Variants in RXRA observed in about 807,000 individuals in gnomAD.
RXRA encodes retinoic acid receptor RXR-alpha.
Under a neutral mutation model 44.5 loss-of-function variants are expected in RXRA, and 5 were observed. The observed-to-expected ratio is 0.11, with a 90% CI of 0.06 to 0.24. RXRA has a LOEUF of 0.24. Among genes scored for constraint, RXRA ranks in the 10% least tolerant of loss-of-function variants. The pLI is 1.00. For synonymous variants in RXRA, 291 were observed against 271.4 expected (o/e 1.07, Z -0.71); for missense variants, 412 against 646.5 (o/e 0.64, Z 3.93).
rs554594487 is a variant in RXRA at position 134,365,543 on chromosome 9, G to T, written c.29-36089G>T. Among the ~76,000 whole-genome samples the T allele has an allele frequency of 1.3e-5, 2 of 152,320 alleles. No homozygotes were observed. Among genetic ancestry groups the T allele is most frequent in the African/African-American group, 4.8e-5 (2 of 41,580 alleles). On this transcript the variant is annotated intron_variant, in intron 1 of 9. Transcript: ENST00000481739. This position sits in a 1 kb window ranked among gnomAD's most constrained non-coding sequence, Gnocchi z 4.0. Reference sequence around the variant, plus strand: ...TGGCCATGGCTGTGTGGACCAGGCTGGGGCTGCACTGGGGCCTGGGTGGTA... The same window carrying T: ...TGGCCATGGCTGTGTGGACCAGGCTTGGGCTGCACTGGGGCCTGGGTGGTA...
Position 134,379,729 on chromosome 9 carries a change from G to C in RXRA, c.29-21903G>C, listed in dbSNP as rs868792941. 3.8e-5 allele frequency: 37 copies of C among 985,418 alleles called. No individual in the cohort carries two copies. The South Asian group carries it at 1.0e-3, about 28-fold the overall frequency. 61.0% of individuals were successfully genotyped at this position (985,418 alleles called of 1,614,324 possible). On this transcript the variant is annotated intron_variant, in intron 1 of 9. Coordinates refer to ENST00000481739, the MANE Select transcript of RXRA (RefSeq NM_002957.6). ...CCTGAGGCCCAGCCTGGGCGGGTTCGTGGGTCCAGCTCAGCCCCTCTGTGC... is the reference window on the plus strand; with the variant it reads ...CCTGAGGCCCAGCCTGGGCGGGTTCCTGGGTCCAGCTCAGCCCCTCTGTGC...
At chr9:134,370,247 C>G (rs1312693750) in intron 1 of RXRA, among the ~76,000 whole-genome samples, 5 of 152,192 alleles carry the variant, frequency 3.3e-5, no homozygotes, top group Admixed American at 3.3e-4. Flanking sequence ...AGCACACGCT[C>G]TGAGCTTGAG....
chr9:134,401,067 G>A (rs571085304), intron 1 of RXRA, among the ~76,000 whole-genome samples: 64 of 152,328 alleles, frequency 4.2e-4, no homozygotes, highest in African/African-American at 1.4e-3. Flanking sequence ...GAGTACTCAG[G>A]GCCTGGCTTC....
In RXRA at chr9:134,417,304, A is replaced by T. The variant is rs1310625281; in HGVS notation, c.757A>T (p.Asn253Tyr). 5 of 1,613,734 alleles carry T rather than the reference A, an allele frequency of 3.1e-6. No homozygotes were observed. The highest frequency in any genetic ancestry group is 4.2e-6 in the Non-Finnish European group (5 of 1,179,950). Residue 253 changes from asparagine (N) to tyrosine (Y), a missense_variant, in exon 5 of 10, where the codon AAC becomes TAC. Physicochemically the swap from Asn to Tyr is moderately radical, Grantham distance 143. Coordinates refer to ENST00000481739, the MANE Select transcript of RXRA (RefSeq NM_002957.6). This position sits in a 1 kb window ranked among gnomAD's most constrained non-coding sequence, Gnocchi z 6.1. ...EPKTETYVEANMGLNPSSPND... is the reference protein window; with the variant it reads ...EPKTETYVEAYMGLNPSSPND... ...CAAGACCGAGACCTACGTGGAGGCA[A>T]ACATGGGGCTGAACCCCAGCTCGGT...
intron 1 of RXRA, among the ~76,000 whole-genome samples, chr9:134,384,431 A>T (rs987035467): frequency 6.6e-6 from 1 of 152,182 alleles, no homozygotes; most frequent in Non-Finnish European, 1.5e-5. Context: ...GAGTCAGGGG[A>T]TATGGCAGCA....
At chr9:134,430,634 A>C (rs535438734) in intron 7 of RXRA, among the ~76,000 whole-genome samples, 1,299 of 92,944 alleles carry the variant, frequency 0.014, 12 homozygotes, top group Non-Finnish European at 0.028. Context: ...GTTAGTGTAC[A>C]GGAGGGTCCC....
Position 134,436,644 on chromosome 9 carries a change from G to A in RXRA, c.*30G>A, listed in dbSNP as rs750745421. The A allele has an allele frequency of 5.5e-5, 88 of 1,612,050 alleles. No homozygotes were observed. The highest frequency in any genetic ancestry group is 1.6e-4 in the Middle Eastern group (1 of 6,078). On this transcript the variant is annotated 3_prime_UTR_variant, in exon 10 of 10. Transcript: ENST00000481739. Reference sequence around the variant, plus strand: ...GCGGGCCCATCCTTTGTGCCCACCCGTTCTGGCCACCCTGCCTGGACGCCA... The same window carrying A: ...GCGGGCCCATCCTTTGTGCCCACCCATTCTGGCCACCCTGCCTGGACGCCA...
At chr9:134,378,979 G>A (rs1237133705) in intron 1 of RXRA, among the ~76,000 whole-genome samples, 1 of 152,208 alleles carries the variant, frequency 6.6e-6, no homozygotes, top group Non-Finnish European at 1.5e-5. Context: ...GGGAACACAC[G>A]TCTCTTGCCT....
At chr9:134,385,847 C>G (rs1028957490) in intron 1 of RXRA, among the ~76,000 whole-genome samples, 1 of 152,272 alleles carries the variant, frequency 6.6e-6, no homozygotes. Flanking sequence ...GGGCAGCCAG[C>G]TGTGGTGGAG....
chr9:134,432,309 G>A (rs939357799), intron 8 of RXRA, among the ~76,000 whole-genome samples: 1 of 152,260 alleles, frequency 6.6e-6, no homozygotes, highest in Admixed American at 6.5e-5. Context: ...TCCAGACTCC[G>A]AAAGTGGCCA....
At chr9:134,360,577 C>A (rs945928760) in intron 1 of RXRA, among the ~76,000 whole-genome samples, 1 of 152,252 alleles carries the variant, frequency 6.6e-6, no homozygotes, top group African/African-American at 2.4e-5. Flanking sequence ...GCAGGTCGCT[C>A]GCGGTTACCT....
In RXRA at chr9:134,335,577, G is replaced by T. The variant is rs534092557; in HGVS notation, c.28+8918G>T. 6.6e-5 allele frequency among the ~76,000 whole-genome samples: 10 copies of T among 152,320 alleles called. No homozygotes were observed. In the South Asian group the frequency reaches 2.1e-3, roughly 32 times the overall value. ...CCCTTGCTGGCTGGCTTCCAGGTCT[G>T]TGCTGGTGGGGACCCCTGTGAGCAT... is the stretch of plus-strand genomic sequence containing the variant. On this transcript the variant is annotated intron_variant, in intron 1 of 9. Transcript: ENST00000481739.
Position 134,426,714 on chromosome 9 carries a change from G to A in RXRA, c.911-2394G>A. 9 of 985,408 alleles carry A rather than the reference G, an allele frequency of 9.1e-6. No individual in the cohort carries two copies. The highest frequency in any genetic ancestry group is 9.6e-6 in the Non-Finnish European group (8 of 829,920). The allele number at this position is 985,408 out of a possible 1,614,324, so 61.0% of individuals were successfully genotyped here. On this transcript the variant is annotated intron_variant, in intron 6 of 9. Transcript: ENST00000481739. This position sits in a 1 kb window ranked among gnomAD's most constrained non-coding sequence, Gnocchi z 4.6. ...GGCTCTCGGGGCAGTGGGAGGGGAG[G>A]TGGCCACTGCTCAGGTAAACCCCCA...
rs34798391 is a variant in RXRA, at chr9:134,407,944, A to G, written c.280-205A>G. 0.086 allele frequency among the ~76,000 whole-genome samples: 13,035 copies of G among 151,872 alleles called. 782 individuals carry two copies. The highest frequency in any genetic ancestry group is 0.13 in the Middle Eastern group (39 of 294). ...GCTGCGGGCGAGTCCTGAGGTTGCCACAGCCTCTGCTGGCCTTGCTGAGCA... is the reference window on the plus strand; with the variant it reads ...GCTGCGGGCGAGTCCTGAGGTTGCCGCAGCCTCTGCTGGCCTTGCTGAGCA... On this transcript the variant is annotated intron_variant, in intron 2 of 9. Coordinates refer to ENST00000481739, the MANE Select transcript of RXRA (RefSeq NM_002957.6). The surrounding 1 kb of genome is among the most constrained non-coding windows in gnomAD (Gnocchi z 4.8).
rs552242917 is a variant in RXRA, at chr9:134,425,483, G to A, written c.911-3625G>A. ...GCTGTTGCTTTCCAAGGCCGTGTTA[G>A]CTGCTCCAGCGGGGTCGTCTGAGGG... On this transcript the variant is annotated intron_variant, in intron 6 of 9. Coordinates refer to ENST00000481739, the MANE Select transcript of RXRA (RefSeq NM_002957.6). 8 of 982,538 alleles carry A rather than the reference G, an allele frequency of 8.1e-6. No individual in the cohort carries two copies. In the South Asian group the frequency reaches 3.8e-4, roughly 47 times the overall value. 60.9% of individuals were successfully genotyped at this position (982,538 alleles called of 1,614,324 possible).
chr9:134,365,511 CTGGCTGTGGCCA>C lies in RXRA; in HGVS notation c.29-36112_29-36101del, dbSNP rs1247735142. On this transcript the variant is annotated intron_variant, in intron 1 of 9. Transcript: ENST00000481739. The surrounding 1 kb of genome is among the most constrained non-coding windows in gnomAD (Gnocchi z 4.0). ...AGGCCGCTGCCCCTGCCTCCTGTCT[CTGGCTGTGGCCA>C]TGGCTGTGTGGACCAGGCTGGGGCT... 2.6e-5 allele frequency among the ~76,000 whole-genome samples: 4 copies of C among 152,210 alleles called. No homozygotes were observed. In the East Asian group the frequency reaches 7.8e-4, roughly 29 times the overall value.
At chr9:134,386,853 A>G (rs2119113738) in intron 1 of RXRA, among the ~76,000 whole-genome samples, 1 of 152,012 alleles carries the variant, frequency 6.6e-6, no homozygotes, top group South Asian at 2.1e-4. Context: ...CCCTCTCCTT[A>G]CCTTGAGGCT....
Position 134,421,403 on chromosome 9 carries a change from C to T in RXRA, c.781-273C>T, listed in dbSNP as rs568569282. Among the ~76,000 whole-genome samples, 32 of 152,292 alleles carry T rather than the reference C, an allele frequency of 2.1e-4. No homozygotes were observed. The South Asian group carries it at 6.2e-3, about 30-fold the overall frequency. On this transcript the variant is annotated intron_variant, in intron 5 of 9. Coordinates refer to ENST00000481739, the MANE Select transcript of RXRA (RefSeq NM_002957.6). ...TCTCTTCCTCTGACCCTCCTGCCTCCCTCTCATAGACCCCTTGCAATGACC... is the reference window on the plus strand; with the variant it reads ...TCTCTTCCTCTGACCCTCCTGCCTCTCTCTCATAGACCCCTTGCAATGACC...
chr9:134,363,059 A>G (rs1830371681), intron 1 of RXRA, among the ~76,000 whole-genome samples: 1 of 152,236 alleles, frequency 6.6e-6, no homozygotes, highest in African/African-American at 2.4e-5. Context: ...TCTCCCAGAC[A>G]GAAGCTAGGA....
Sources: allele counts gnomAD v4.1 joint callset (sites outside exome capture counted in the v4.1 genomes callset), GRCh38; gene constraint gnomAD v4.1.1; non-coding constraint Gnocchi (gnomAD v3.1); transcripts MANE v1.5; gene names NCBI Gene and HGNC (gene_info 2026-07-23, HGNC 2026-07-21).